ASCC3: variants seen among roughly 807,000 people sequenced by gnomAD.
ASCC3 encodes ASC-1 complex subunit P200.
Under a neutral mutation model 256.3 loss-of-function variants are expected in ASCC3, and 158 were observed. The ratio of observed to expected loss-of-function variants is 0.62; its 90% CI spans 0.54 to 0.70. The LOEUF (loss-of-function observed/expected upper bound fraction) is 0.70, where lower values mean the gene tolerates loss of function less well. Among genes scored for constraint, ASCC3 ranks in the 30% least tolerant of loss-of-function variants. ASCC3 has a pLI of 0.00. For synonymous variants in ASCC3, 948 were observed against 883.4 expected (o/e 1.07, Z -1.30); for missense variants, 2,259 against 2,626.0 (o/e 0.86, Z 3.05).
chr6:100,761,615 C>G (rs1294269584), intron 10 of ASCC3, among the ~76,000 whole-genome samples: 2 of 152,184 alleles, frequency 1.3e-5, no homozygotes, highest in Admixed American at 1.3e-4. Flanking sequence ...AAGGCAGCAA[C>G]TGCCAGTAAG....
intron 4 of ASCC3, among the ~76,000 whole-genome samples, chr6:100,839,193 TA>T (rs1772021899): frequency 2.0e-5 from 3 of 152,118 alleles, no homozygotes. Context: ...TTCTTAAATG[TA>T]TGTATGAAAG....
At chr6:100,553,197 A>T (rs1769394609) in intron 36 of ASCC3, among the ~76,000 whole-genome samples, 1 of 152,100 alleles carries the variant, frequency 6.6e-6, no homozygotes, top group African/African-American at 2.4e-5. Context: ...CAATCTCAAG[A>T]TCAGCAGAAA....
intron 37 of ASCC3, among the ~76,000 whole-genome samples, chr6:100,525,375 C>T (rs933425957): frequency 1.3e-5 from 2 of 151,532 alleles, no homozygotes; most frequent in African/African-American, 4.8e-5. Context: ...TATAAAGTAT[C>T]ACAAGAATGC....
rs574939097 is a variant in ASCC3 at position 100,700,672 on chromosome 6, G to T, written c.2151+14790C>A. 5.8e-4 allele frequency among the ~76,000 whole-genome samples: 88 copies of T among 152,356 alleles called. 1 individual carries two copies. Among genetic ancestry groups the T allele is most frequent in the South Asian group, 5.4e-3 (26 of 4,828 alleles). On this transcript the variant is annotated intron_variant, in intron 13 of 41. Transcript: ENST00000369162. Reference sequence around the variant, plus strand: ...TGCATTCAGCATGAACTGGATGTGAGACATGGAGTCAAAGGAGATCATTTT... The same window carrying T: ...TGCATTCAGCATGAACTGGATGTGATACATGGAGTCAAAGGAGATCATTTT...
At chr6:100,875,720 A>G (rs1255458342) in intron 1 of ASCC3, among the ~76,000 whole-genome samples, 1 of 121,124 alleles carries the variant, frequency 8.3e-6, no homozygotes, top group African/African-American at 4.0e-5. Flanking sequence ...AACAGAAAAG[A>G]AAGTTTCAAA....
intron 36 of ASCC3, among the ~76,000 whole-genome samples, chr6:100,563,531 A>G (rs937313396): frequency 2.0e-5 from 3 of 152,154 alleles, no homozygotes; most frequent in Non-Finnish European, 2.9e-5. Context: ...GGTCTTGACC[A>G]AAGTGTACAA....
rs188419503 is a variant in ASCC3 at position 100,643,873 on chromosome 6, A to G, written c.3732+158T>C. On this transcript the variant is annotated intron_variant, in intron 23 of 41. Transcript: ENST00000369162. ...TCACATTGAATATACCAATACTATA[A>G]CATTTAATCACTGTATTCTTTTAAA... Among the ~76,000 whole-genome samples the G allele has an allele frequency of 3.3e-5, 5 of 151,784 alleles. No individual in the cohort carries two copies. In the East Asian group the frequency reaches 9.6e-4, roughly 29 times the overall value.
chr6:100,679,736 T>G lies in ASCC3; in HGVS notation c.2168A>C (p.His723Pro), dbSNP rs746115950. The G allele has an allele frequency of 4.2e-5, 68 of 1,613,562 alleles. No homozygotes were observed. The East Asian group carries it at 1.5e-3, about 35-fold the overall frequency. ...KAGHQVMVFV[H>P]ARNATVRTAM... Reference sequence around the variant, plus strand: ...TGTTCTTACAGTGGCATTTCGAGCATGTACAAACACCATCACCTGAAAAAA... The same window carrying G: ...TGTTCTTACAGTGGCATTTCGAGCAGGTACAAACACCATCACCTGAAAAAA... The change falls in exon 14 of 42, where the codon CAT becomes CCT. Residue 723 changes from histidine to proline, a missense_variant. Transcript: ENST00000369162.
intron 37 of ASCC3, among the ~76,000 whole-genome samples, chr6:100,524,278 T>C (rs756357816): frequency 1.4e-4 from 22 of 152,130 alleles, no homozygotes; most frequent in Non-Finnish European, 3.1e-4. Flanking sequence ...CCAGACAAAA[T>C]TATTATGTAT....
At chr6:100,713,833 A>C (rs182524457) in intron 13 of ASCC3, among the ~76,000 whole-genome samples, 1 of 152,230 alleles carries the variant, frequency 6.6e-6, no homozygotes, top group African/African-American at 2.4e-5. Flanking sequence ...CTAACAATAT[A>C]GTTTATATAT....
intron 37 of ASCC3, among the ~76,000 whole-genome samples, chr6:100,527,905 T>C (rs1774664715): frequency 6.6e-6 from 1 of 151,718 alleles, no homozygotes; most frequent in Non-Finnish European, 1.5e-5. Flanking sequence ...GCAGCATGAA[T>C]CATGGCTCAC....
chr6:100,769,427 AT>A (rs1445050564), intron 8 of ASCC3, among the ~76,000 whole-genome samples: 1 of 151,956 alleles, frequency 6.6e-6, no homozygotes, highest in Non-Finnish European at 1.5e-5. Context: ...AATTACCCTG[AT>A]TTGATCATTG....
chr6:100,619,844 A>C (rs240151), intron 30 of ASCC3, among the ~76,000 whole-genome samples: 1 of 151,886 alleles, frequency 6.6e-6, no homozygotes, highest in Admixed American at 6.6e-5. Context: ...GAATACTGAG[A>C]TGGGCTTGCA....
In ASCC3 at chr6:100,627,677, G is replaced by T. The variant is rs1774309709; in HGVS notation, c.4555C>A (p.Pro1519Thr). The T allele has an allele frequency of 6.2e-7, 1 of 1,613,588 alleles. No homozygotes were observed. The change falls in exon 29 of 42, where the codon CCA becomes ACA. Residue 1519 changes from proline to threonine, a missense_variant. Around this residue, in one of 2 missense-constraint regions of ASCC3, gnomAD observed 1,839 missense variants for 2,206.7 expected, o/e 0.83. Coordinates refer to ENST00000369162, the MANE Select transcript of ASCC3 (RefSeq NM_006828.4). ...GLFNFRPSVRPVPLEVHIQGF... is the reference protein window; with the variant it reads ...GLFNFRPSVRTVPLEVHIQGF... ...TGAATGTGAACTTCCAGTGGAACTGGGCGTACTGATGGTCGGAAGTTAAAC... is the reference window on the plus strand; with the variant it reads ...TGAATGTGAACTTCCAGTGGAACTGTGCGTACTGATGGTCGGAAGTTAAAC...
chr6:100,560,095 T>A (rs1246268104), intron 36 of ASCC3, among the ~76,000 whole-genome samples: 1 of 152,190 alleles, frequency 6.6e-6, no homozygotes, highest in Non-Finnish European at 1.5e-5. Flanking sequence ...GTCTTTCTGG[T>A]AATATATGTA....
intron 33 of ASCC3, among the ~76,000 whole-genome samples, chr6:100,603,587 T>C (rs577418561): frequency 1.3e-5 from 2 of 152,264 alleles, no homozygotes; most frequent in Non-Finnish European, 2.9e-5. Context: ...TATAGATTTT[T>C]TGTAGATATT....
chr6:100,638,494 G>A, intron 25 of ASCC3, 107 bp downstream of exon 25: 2 of 940,028 alleles, frequency 2.1e-6, no homozygotes, highest in Non-Finnish European at 3.2e-6. Flanking sequence ...TTCACTGAGA[G>A]TGACAAATCT....
intron 29 of ASCC3, among the ~76,000 whole-genome samples, chr6:100,626,884 G>T (rs1236930330): frequency 6.6e-6 from 1 of 152,128 alleles, no homozygotes; most frequent in East Asian, 1.9e-4. Context: ...CAGATTTATT[G>T]TTCATTAGTG....
chr6:100,757,367 C>G (rs180940542), intron 10 of ASCC3, among the ~76,000 whole-genome samples: 24 of 151,922 alleles, frequency 1.6e-4, no homozygotes, highest in Middle Eastern at 3.4e-3. Flanking sequence ...CTAGAAAAGG[C>G]TAGAGAGATG....
Sources: allele counts gnomAD v4.1 joint callset (sites outside exome capture counted in the v4.1 genomes callset), GRCh38; gene constraint gnomAD v4.1.1; regional missense constraint gnomAD v4.1.1; transcripts MANE v1.5; gene names NCBI Gene and HGNC (gene_info 2026-07-23, HGNC 2026-07-21).